SNX1: variants seen among roughly 807,000 people sequenced by gnomAD.
The protein encoded by SNX1 is sorting nexin-1.
A neutral mutation model predicts 71.8 loss-of-function variants in SNX1; 36 were observed. That is an observed-to-expected ratio of 0.50 (90% confidence interval 0.38 to 0.66). SNX1 has a LOEUF of 0.66. Ranked by LOEUF, SNX1 falls within the 30% of genes least tolerant of loss-of-function variation. The pLI, the probability that SNX1 is intolerant of heterozygous loss-of-function variation, is 0.00. For missense variants in SNX1, 612 were observed against 646.7 expected, an observed-to-expected ratio of 0.95 and a Z score of 0.58; for synonymous variants, 254 against 240.7, an observed-to-expected ratio of 1.06 and a Z score of -0.51.
rs559700195 is a variant in SNX1 at position 64,142,512 on chromosome 15, A to G, written c.*4894A>G. On this transcript the variant is annotated 3_prime_UTR_variant, in exon 15 of 15. Transcript: ENST00000559844. ...AAGAAAATGGGGTCCAGAGCACAGGAAGGGGACCTGTGTTCAGAGGGTGCC... is the reference window on the plus strand; with the variant it reads ...AAGAAAATGGGGTCCAGAGCACAGGGAGGGGACCTGTGTTCAGAGGGTGCC... 121 of 393,666 alleles carry G rather than the reference A, an allele frequency of 3.1e-4. 1 individual carries two copies. Among genetic ancestry groups the G allele is most frequent in the African/African-American group, 2.2e-3 (105 of 48,058 alleles). The allele number at this position is 393,666 out of a possible 1,614,324, so 24.4% of individuals were successfully genotyped here.
chr15:64,117,593 C>T (rs988439777), intron 2 of SNX1, among the ~76,000 whole-genome samples: 1 of 152,156 alleles, frequency 6.6e-6, no homozygotes, highest in Admixed American at 6.5e-5. Flanking sequence ...AAATAGGGCT[C>T]ATATAATGTT....
chr15:64,109,252 A>C (rs894077248), intron 1 of SNX1, among the ~76,000 whole-genome samples: 3 of 152,250 alleles, frequency 2.0e-5, no homozygotes, highest in Admixed American at 2.0e-4. Context: ...ACGCGCCTGT[A>C]GTCCCAGCTA....
chr15:64,131,535 G>A (rs573839773), intron 10 of SNX1, 152 bp from the exon 11 acceptor site: 1 of 664,518 alleles, frequency 1.5e-6, no homozygotes, highest in Admixed American at 2.7e-5. Flanking sequence ...TCTGAATACA[G>A]TTAACTGTGG....
intron 1 of SNX1, among the ~76,000 whole-genome samples, chr15:64,105,314 A>G (rs995901234): frequency 7.9e-5 from 12 of 152,076 alleles, no homozygotes; most frequent in African/African-American, 2.9e-4. Flanking sequence ...TTGTTTACTT[A>G]GGTGGTAAGG....
At chr15:64,115,649 G>C in intron 2 of SNX1, 3 of 293,822 alleles carry the variant, frequency 1.0e-5, no homozygotes, top group Non-Finnish European at 2.0e-5. Context: ...CTGCAGCCCC[G>C]ACCTCCCAGG....
chr15:64,127,448 T>C (rs2081265357), intron 7 of SNX1, among the ~76,000 whole-genome samples, 196 bp downstream of exon 7: 2 of 152,224 alleles, frequency 1.3e-5, no homozygotes, highest in Admixed American at 1.3e-4. Context: ...CTTCTGTTTT[T>C]TCCCCATCCT....
At position 64,129,932 on chromosome 15, in the gene SNX1, G is replaced by C; in HGVS notation, c.824G>C (p.Gly275Ala). The stretch of plus-strand genomic sequence containing the variant: ...GTCTTGTAGCTGCCACGTGCCGTGG[G>C]TACCCAGACATTGAGTGGTGCTGGT... ...LEKEELPRAV[G>A]TQTLSGAGLL... The change falls in exon 9 of 15, where the codon GGT (glycine) becomes GCT (alanine). Residue 275 changes from glycine to alanine, a missense_variant. Gly to Ala is a moderately conservative substitution (Grantham distance 60, BLOSUM62 0). Transcript: ENST00000559844. This position sits in a 1 kb window ranked among gnomAD's most constrained non-coding sequence, Gnocchi z 4.4. 6 of 1,614,010 alleles carry C rather than the reference G, an allele frequency of 3.7e-6. No individual in the cohort carries two copies. Among genetic ancestry groups the C allele is most frequent in the Non-Finnish European group, 5.1e-6 (6 of 1,179,912 alleles).
Position 64,118,793 on chromosome 15 carries a change from G to A in SNX1, c.405G>A (p.Glu135=). 1 of 1,612,324 alleles carries A rather than the reference G, an allele frequency of 6.2e-7. No individual in the cohort carries two copies. The highest frequency in any genetic ancestry group is 8.5e-7 in the Non-Finnish European group (1 of 1,178,928). ...SKPQPTYEEL[E]EEEQEDQFDL... ...TTTGTCTTTTCTTGAAAAAGCTAGA[G>A]GAAGAAGAACAGGAGGATCAATTTG... Residue 135 remains glutamate, a synonymous_variant, in exon 4 of 15, where the codon GAG becomes GAA. Transcript: ENST00000559844.
chr15:64,136,676 T>A (rs1476970413), intron 13 of SNX1, among the ~76,000 whole-genome samples, 185 bp from the exon 14 acceptor site: 2 of 151,462 alleles, frequency 1.3e-5, no homozygotes, highest in Admixed American at 6.6e-5. Context: ...CCACTTCCCA[T>A]CTCCTGCCCT....
rs560326866 is a variant in SNX1 at position 64,130,344 on chromosome 15, T to A, written c.1015+23T>A. The A allele has an allele frequency of 2.6e-5, 41 of 1,580,416 alleles. No homozygotes were observed. The South Asian group carries it at 4.1e-4, about 16-fold the overall frequency. On this transcript the variant is annotated intron_variant, in intron 10 of 14. Transcript: ENST00000559844. ...AAGGTAACAAGCTCTGAAATGCACT[T>A]GGAGCTAGGGGAAATTGTTGTCTCT...
intron 2 of SNX1, among the ~76,000 whole-genome samples, chr15:64,114,521 C>A (rs1313439384): frequency 3.3e-5 from 5 of 152,106 alleles, no homozygotes; most frequent in Admixed American, 6.5e-5. Context: ...AAGGGAAATA[C>A]CCAGGAGGTG....
At chr15:64,102,756 G>A (rs1032494967) in intron 1 of SNX1, among the ~76,000 whole-genome samples, 4 of 128,098 alleles carry the variant, frequency 3.1e-5, no homozygotes, top group African/African-American at 8.5e-5. Context: ...TATATACCAC[G>A]CCTTCTTTTT....
At chr15:64,114,531 G>A (rs2081109445) in intron 2 of SNX1, among the ~76,000 whole-genome samples, 1 of 152,202 alleles carries the variant, frequency 6.6e-6, no homozygotes, top group Admixed American at 6.5e-5. Flanking sequence ...CCCAGGAGGT[G>A]ACTTGAACTT....
chr15:64,104,169 A>G (rs2080993081), intron 1 of SNX1, among the ~76,000 whole-genome samples: 3 of 152,008 alleles, frequency 2.0e-5, no homozygotes, highest in African/African-American at 7.3e-5. Flanking sequence ...TAAACTCATT[A>G]ATTTCTTGAT....
At position 64,096,041 on chromosome 15, in the gene SNX1, G is replaced by C. The variant is rs1413154900; in HGVS notation, c.28G>C (p.Ala10Pro). 8 of 1,593,886 alleles carry C rather than the reference G, an allele frequency of 5.0e-6. No individual in the cohort carries two copies. Among genetic ancestry groups the C allele is most frequent in the East Asian group, 4.5e-5 (2 of 44,164 alleles). Residue 10 changes from alanine (A) to proline (P), a missense_variant, in exon 1 of 15, where the codon GCT becomes CCT. Ala to Pro is a conservative substitution (Grantham distance 27, BLOSUM62 -1). Around this residue, in one of 2 missense-constraint regions of SNX1, gnomAD observed 316 missense variants for 284.9 expected, o/e 1.11. Coordinates refer to ENST00000559844, the MANE Select transcript of SNX1 (RefSeq NM_003099.5). MASGGGGCS[A>P]SERLPPPFPG... ...GGCGTCGGGTGGTGGTGGCTGTAGC[G>C]CTTCGGAGAGACTGCCTCCGCCCTT...
intron 1 of SNX1, among the ~76,000 whole-genome samples, chr15:64,103,140 T>C (rs761465487): frequency 6.6e-6 from 1 of 152,212 alleles, no homozygotes; most frequent in Non-Finnish European, 1.5e-5. Flanking sequence ...CTGTTGTGAA[T>C]AGTGTGCTGG....
At position 64,143,851 on chromosome 15, in the gene SNX1, C is replaced by G. The variant is rs2081438191; in HGVS notation, c.*6233C>G. 1 of 152,166 alleles carries G rather than the reference C, an allele frequency of 6.6e-6. No individual in the cohort carries two copies. Among genetic ancestry groups the G allele is most frequent in the African/African-American group, 2.4e-5 (1 of 41,432 alleles). 9.4% of individuals were successfully genotyped at this position (152,166 alleles called of 1,614,324 possible). On this transcript the variant is annotated 3_prime_UTR_variant, in exon 15 of 15. Coordinates refer to ENST00000559844, the MANE Select transcript of SNX1 (RefSeq NM_003099.5). ...CCTTGAAGATGACTAACCAGAAATG[C>G]CCGTCATAGCACTGTTTACAGTTGC...
At chr15:64,097,803 G>A (rs989717166) in intron 1 of SNX1, among the ~76,000 whole-genome samples, 1 of 152,176 alleles carries the variant, frequency 6.6e-6, no homozygotes, top group Non-Finnish European at 1.5e-5. Flanking sequence ...GCTACTCAGT[G>A]TGTAACCAAC....
chr15:64,100,388 G>T (rs1436706969), intron 1 of SNX1, among the ~76,000 whole-genome samples: 1 of 151,976 alleles, frequency 6.6e-6, no homozygotes, highest in African/African-American at 2.4e-5. Flanking sequence ...TATCACAAGG[G>T]CAGGAGTTCT....
Sources: allele counts gnomAD v4.1 joint callset (sites outside exome capture counted in the v4.1 genomes callset), GRCh38; gene constraint gnomAD v4.1.1; regional missense constraint gnomAD v4.1.1; non-coding constraint Gnocchi (gnomAD v3.1); transcripts MANE v1.5; gene names NCBI Gene and HGNC (gene_info 2026-07-23, HGNC 2026-07-21).